The following BPTF variants were observed in gnomAD, a reference collection of about 807,000 sequenced individuals.
BPTF encodes the protein bromodomain PHD finger transcription factor.
In BPTF, 18 loss-of-function variants were observed where a neutral mutation model predicts 292.5. That is an observed-to-expected ratio of 0.06 (90% CI 0.04 to 0.09). BPTF has a LOEUF of 0.09. Ranked by LOEUF, BPTF falls within the 10% of genes least tolerant of loss-of-function variation. BPTF has a pLI of 1.00. For missense variants in BPTF, 2,726 were observed against 3,498.7 expected (o/e 0.78, Z 5.57); for synonymous variants, 1,225 against 1,251.9 (o/e 0.98, Z 0.45).
intron 27 of BPTF, among the ~76,000 whole-genome samples, chr17:67,978,952 G>A (rs1330402897): frequency 6.6e-6 from 1 of 151,886 alleles, no homozygotes; most frequent in East Asian, 1.9e-4. Flanking sequence ...TGAGGCAAGA[G>A]GATGCTTGAG....
intron 11 of BPTF, among the ~76,000 whole-genome samples, chr17:67,917,060 A>T (rs933141429): frequency 1.3e-5 from 2 of 151,746 alleles, no homozygotes; most frequent in African/African-American, 4.8e-5. Flanking sequence ...GTACCTCCAC[A>T]CACAATGTTT....
chr17:67,912,415 G>A lies in BPTF; in HGVS notation c.4531G>A (p.Asp1511Asn). The A allele has an allele frequency of 2.5e-6, 4 of 1,613,916 alleles. No individual in the cohort carries two copies. The highest frequency in any genetic ancestry group is 1.3e-5 in the African/African-American group (1 of 74,984). ...GACCCTGCCATCAACCAAAGAGTCT[G>A]ACAGTACACAGACGACCACACCCTC... is the stretch of plus-strand genomic sequence containing the variant. ...LETLPSTKESDSTQTTTPSAS... is the reference protein window; with the variant it reads ...LETLPSTKESNSTQTTTPSAS... The change falls in exon 11 of 28, where the codon GAC becomes AAC. Residue 1511 changes from aspartate to asparagine, a missense_variant. Coordinates refer to ENST00000306378, the MANE Select transcript of BPTF (RefSeq NM_182641.4).
At chr17:67,950,210 G>A (rs1203595792) in intron 23 of BPTF, among the ~76,000 whole-genome samples, 1 of 151,838 alleles carries the variant, frequency 6.6e-6, no homozygotes, top group Non-Finnish European at 1.5e-5. Context: ...GCAGTGATGC[G>A]AAATCATGCC....
At chr17:67,847,487 G>A (rs902298222) in intron 1 of BPTF, among the ~76,000 whole-genome samples, 10 of 150,762 alleles carry the variant, frequency 6.6e-5, no homozygotes, top group Non-Finnish European at 1.5e-4. Flanking sequence ...GCACTCCAGC[G>A]TGGGTGACAG....
At chr17:67,867,652 G>A (rs2059465191) in intron 3 of BPTF, among the ~76,000 whole-genome samples, 1 of 152,146 alleles carries the variant, frequency 6.6e-6, no homozygotes, top group African/African-American at 2.4e-5. Flanking sequence ...TGATGGCCTT[G>A]ACAGTTGGGA....
Position 67,894,322 on chromosome 17 carries a change from A to G in BPTF, c.2543+157A>G, listed in dbSNP as rs146831818. The stretch of plus-strand genomic sequence containing the variant: ...ATATAAGTTGTAAACATGAATGAAT[A>G]TTATTAGTTCTTTCTTTTTTTTTTG... On this transcript the variant is annotated intron_variant, in intron 7 of 27. Transcript: ENST00000306378. Among the ~76,000 whole-genome samples the G allele has an allele frequency of 1.8e-4, 27 of 152,154 alleles. 1 individual carries two copies. In the East Asian group the frequency reaches 5.2e-3, roughly 29 times the overall value.
At chr17:67,953,800 G>A (rs1164025862) in intron 23 of BPTF, among the ~76,000 whole-genome samples, 4 of 143,332 alleles carry the variant, frequency 2.8e-5, no homozygotes, top group Admixed American at 7.0e-5. Context: ...GGCTTGTCTC[G>A]AACTCCTGAC....
In BPTF at chr17:67,927,532, C is replaced by G. The variant is rs150967978; in HGVS notation, c.5752-823C>G. On this transcript the variant is annotated intron_variant, in intron 15 of 27. Transcript: ENST00000306378. ...GCTTGCTTGATTGCAGGTTTGCCAA[C>G]TTTAATAATAGTGTCATTAACTATT... 2.3e-3 allele frequency among the ~76,000 whole-genome samples: 349 copies of G among 152,244 alleles called. 2 individuals are homozygous for G. The highest frequency in any genetic ancestry group is 7.9e-3 in the African/African-American group (328 of 41,538).
chr17:67,950,161 G>A (rs1403889547), intron 23 of BPTF, among the ~76,000 whole-genome samples: 1 of 151,648 alleles, frequency 6.6e-6, no homozygotes, highest in Non-Finnish European at 1.5e-5. Context: ...ACTTTGGAGA[G>A]GCCGAGGCGG....
At chr17:67,892,121 T>C in intron 5 of BPTF, 87 bp downstream of exon 5, 1 of 946,796 alleles carries the variant, frequency 1.1e-6, no homozygotes, top group Non-Finnish European at 1.5e-6. Context: ...TGGAAATTTG[T>C]AGAAATTTGT....
At chr17:67,859,838 G>C (rs1160702085) in intron 2 of BPTF, among the ~76,000 whole-genome samples, 1 of 152,186 alleles carries the variant, frequency 6.6e-6, no homozygotes, top group African/African-American at 2.4e-5. Context: ...ATCAGTATCA[G>C]TCTACGAAAC....
chr17:67,982,465 G>A lies in BPTF; in HGVS notation c.*177G>A. 2 of 482,824 alleles carry A rather than the reference G, an allele frequency of 4.1e-6. No individual in the cohort carries two copies. The highest frequency in any genetic ancestry group is 3.3e-5 in the East Asian group (1 of 29,924). The allele number at this position is 482,824 out of a possible 1,614,324, so 29.9% of individuals were successfully genotyped here. Reference sequence around the variant, plus strand: ...TTGGCCAATTTTGTCCAACGGACAAGAAAAAAGCAAAGTCAACGACACCAT... The same window carrying A: ...TTGGCCAATTTTGTCCAACGGACAAAAAAAAAGCAAAGTCAACGACACCAT... On this transcript the variant is annotated 3_prime_UTR_variant, in exon 28 of 28. Coordinates refer to ENST00000306378, the MANE Select transcript of BPTF (RefSeq NM_182641.4).
At chr17:67,919,925 G>A in intron 12 of BPTF, 90 bp from the exon 13 acceptor site, 2 of 1,284,212 alleles carry the variant, frequency 1.6e-6, no homozygotes, top group Non-Finnish European at 2.2e-6. Flanking sequence ...TTTATTCCAC[G>A]TGTGTCTCTT....
In BPTF at chr17:67,874,953, C is replaced by G. The variant is rs775741535; in HGVS notation, c.1797C>G (p.Asp599Glu). ...DAEKNREEFE[D>E]QSLEKDSDDK... ...AGAAAAACAGAGAAGAATTTGAAGACCAGTCCCTTGAAAAAGACAGTGACG... is the reference window on the plus strand; with the variant it reads ...AGAAAAACAGAGAAGAATTTGAAGAGCAGTCCCTTGAAAAAGACAGTGACG... The change falls in exon 4 of 28, where the codon GAC becomes GAG. Residue 599 changes from aspartate (D) to glutamate (E), a missense_variant. This residue lies in a region of BPTF where 187 missense variants were observed against 201.5 expected (regional missense o/e 0.93). Transcript: ENST00000306378. 6.2e-7 allele frequency: 1 copy of G among 1,613,758 alleles called. No individual in the cohort carries two copies. Among genetic ancestry groups the G allele is most frequent in the Non-Finnish European group, 8.5e-7 (1 of 1,179,842 alleles).
chr17:67,873,036 G>C (rs1163261872), intron 3 of BPTF, among the ~76,000 whole-genome samples: 1 of 152,132 alleles, frequency 6.6e-6, no homozygotes, highest in African/African-American at 2.4e-5. Flanking sequence ...ACAGTGAGCT[G>C]TGATCACACC....
At chr17:67,920,401 T>G (rs1178919960) in intron 13 of BPTF, among the ~76,000 whole-genome samples, 1 of 152,232 alleles carries the variant, frequency 6.6e-6, no homozygotes, top group Non-Finnish European at 1.5e-5. Context: ...AGACATTGAT[T>G]GACCCCAGAC....
At chr17:67,939,228 A>G (rs1373170455) in intron 18 of BPTF, among the ~76,000 whole-genome samples, 2 of 152,236 alleles carry the variant, frequency 1.3e-5, no homozygotes, top group South Asian at 2.1e-4. Context: ...GTGTGGGGGA[A>G]GTATTCTGAA....
intron 15 of BPTF, among the ~76,000 whole-genome samples, chr17:67,927,769 T>G (rs1476002191): frequency 6.6e-6 from 1 of 152,230 alleles, no homozygotes; most frequent in African/African-American, 2.4e-5. Context: ...TATGAACAGC[T>G]TAGTACTTTT....
intron 27 of BPTF, among the ~76,000 whole-genome samples, chr17:67,976,367 G>A (rs1555693933): frequency 6.6e-6 from 1 of 152,146 alleles, no homozygotes; most frequent in African/African-American, 2.4e-5. Flanking sequence ...CAGCTACTTG[G>A]GAGGCCGAGG....
Sources: gnomAD v4.1 joint callset for allele counts (sites outside exome capture counted in the v4.1 genomes callset) on GRCh38, gnomAD v4.1.1 for gene constraint, gnomAD v4.1.1 regional missense constraint, MANE v1.5 for transcripts, NCBI Gene and HGNC (gene_info 2026-07-23, HGNC 2026-07-21) for gene names.